The following GRID2 variants were observed in gnomAD, a reference collection of about 807,000 sequenced individuals.
GRID2 encodes the protein glutamate receptor ionotropic, delta-2.
A neutral mutation model predicts 114.8 loss-of-function variants in GRID2; 33 were observed. That is an observed-to-expected ratio of 0.29 (90% CI 0.22 to 0.38). The LOEUF is 0.38. GRID2 is among the 10% of genes least tolerant of loss of function. The probability of loss-of-function intolerance (pLI) is 1.00; values close to 1 mark genes in which losing one functional copy is unlikely to be tolerated. For missense variants in GRID2, 1,184 were observed against 1,257.7 expected (o/e 0.94, Z 0.89); for synonymous variants, 505 against 449.9 (o/e 1.12, Z -1.55).
At chr4:92,643,408 C>G (rs892295713) in intron 2 of GRID2, among the ~76,000 whole-genome samples, 4 of 151,746 alleles carry the variant, frequency 2.6e-5, no homozygotes, top group African/African-American at 9.7e-5. Context: ...TATCTCTCTT[C>G]TCTATGATTC....
chr4:93,626,561 A>G, intron 14 of GRID2, 126 bp downstream of exon 14: 7 of 590,642 alleles, frequency 1.2e-5, no homozygotes, highest in Non-Finnish European at 2.1e-5. Context: ...AAACAACAAC[A>G]ACAAAAAAGA....
At chr4:93,303,582 C>T (rs746633108) in intron 8 of GRID2, among the ~76,000 whole-genome samples, 32 of 152,154 alleles carry the variant, frequency 2.1e-4, no homozygotes, top group African/African-American at 7.2e-4. Flanking sequence ...GTGATCAGGG[C>T]GCAGGAGCCA....
At chr4:93,057,919 T>G (rs1727415940) in intron 2 of GRID2, among the ~76,000 whole-genome samples, 1 of 151,990 alleles carries the variant, frequency 6.6e-6, no homozygotes, top group Non-Finnish European at 1.5e-5. Flanking sequence ...ACTCAATTCG[T>G]CATTCCCCTC....
chr4:92,839,693 T>C (rs1742741208), intron 2 of GRID2, among the ~76,000 whole-genome samples: 2 of 152,066 alleles, frequency 1.3e-5, no homozygotes, highest in African/African-American at 4.8e-5. Context: ...AGATGCTTGA[T>C]ATTATTTTAA....
chr4:93,651,935 G>A (rs1722615140), intron 14 of GRID2, among the ~76,000 whole-genome samples: 2 of 152,110 alleles, frequency 1.3e-5, no homozygotes, highest in Non-Finnish European at 2.9e-5. Context: ...TGTTTGGTGT[G>A]ATAGGTGTTT....
intron 1 of GRID2, among the ~76,000 whole-genome samples, chr4:92,580,985 G>C (rs937615179): frequency 1.3e-5 from 2 of 149,416 alleles, no homozygotes; most frequent in Non-Finnish European, 3.0e-5. Flanking sequence ...AATTCTTTTT[G>C]TTCTTGTCAT....
intron 2 of GRID2, among the ~76,000 whole-genome samples, chr4:92,727,542 T>C (rs754214518): frequency 2.0e-5 from 3 of 152,136 alleles, no homozygotes; most frequent in Non-Finnish European, 2.9e-5. Context: ...AGTAAGTATG[T>C]GTTATATACT....
intron 2 of GRID2, among the ~76,000 whole-genome samples, chr4:92,735,217 A>G (rs1254741387): frequency 6.6e-6 from 1 of 152,112 alleles, no homozygotes; most frequent in African/African-American, 2.4e-5. Context: ...TCCTTTCCTT[A>G]TATGCCAGAA....
intron 13 of GRID2, among the ~76,000 whole-genome samples, chr4:93,517,971 ACATGTACATGTATGTATATACATACATG>A (rs1729931378): frequency 6.3e-5 from 2 of 31,810 alleles, no homozygotes; most frequent in Admixed American, 2.6e-4. Context: ...GTATATACAT[ACATGTACATGTATGTATATACATACATG>A]TATATGTATG....
intron 9 of GRID2, among the ~76,000 whole-genome samples, chr4:93,401,699 A>AAGGATATACACAGAAAT (rs1765907426): frequency 6.6e-6 from 1 of 152,136 alleles, no homozygotes; most frequent in Non-Finnish European, 1.5e-5. Context: ...TCAATCATAG[A>AAGGATATACACAGAAAT]AGGATATACA....
chr4:92,831,134 C>T (rs999900372), intron 2 of GRID2, among the ~76,000 whole-genome samples: 1 of 152,050 alleles, frequency 6.6e-6, no homozygotes, highest in African/African-American at 2.4e-5. Context: ...GGATTTTTTC[C>T]CACTCTGAAT....
chr4:93,294,307 AT>A (rs111618559), intron 8 of GRID2, among the ~76,000 whole-genome samples: 8,253 of 152,224 alleles, frequency 0.054, 759 homozygotes, highest in African/African-American at 0.19. Context: ...CAGGCTAGTC[AT>A]TGAAGGAACT....
chr4:93,268,863 A>G (rs1043704429), intron 8 of GRID2, among the ~76,000 whole-genome samples: 1 of 152,200 alleles, frequency 6.6e-6, no homozygotes, highest in African/African-American at 2.4e-5. Flanking sequence ...TGCTTGTTGT[A>G]TGATTCTGGT....
intron 2 of GRID2, among the ~76,000 whole-genome samples, chr4:92,785,475 AT>A (rs1459609673): frequency 1.3e-5 from 2 of 151,650 alleles, no homozygotes; most frequent in African/African-American, 4.8e-5. Flanking sequence ...GAGAAAAAAA[AT>A]ATAAGAAATT....
intron 10 of GRID2, among the ~76,000 whole-genome samples, chr4:93,436,605 A>G (rs2149386414): frequency 6.6e-6 from 1 of 152,340 alleles, no homozygotes; most frequent in South Asian, 2.1e-4. Context: ...TAAAAACAAT[A>G]GAATAAGTTA....
intron 4 of GRID2, among the ~76,000 whole-genome samples, chr4:93,189,296 T>A (rs1400138004): frequency 3.3e-5 from 5 of 152,150 alleles, no homozygotes; most frequent in African/African-American, 7.2e-5. Flanking sequence ...TGCCAACAGA[T>A]TCCGTGTCTG....
rs370273268 is a variant in GRID2, at chr4:92,794,970, A to G, written c.244+204684A>G. ...TAAAGTAACCTGGAGAAAAGAGAAC[A>G]TTATTAAGAAAATCATAAGGAAGAG... On this transcript the variant is annotated intron_variant, in intron 2 of 15. Transcript: ENST00000282020. Among the ~76,000 whole-genome samples the G allele has an allele frequency of 6.0e-5, 9 of 149,770 alleles. No individual in the cohort carries two copies. The East Asian group carries it at 7.9e-4, about 13-fold the overall frequency.
intron 2 of GRID2, among the ~76,000 whole-genome samples, chr4:92,611,329 C>T (rs1452890908): frequency 6.6e-6 from 1 of 151,466 alleles, no homozygotes; most frequent in Non-Finnish European, 1.5e-5. Context: ...GAGGGCCACC[C>T]TCTTTATATG....
At chr4:92,567,207 T>G (rs1424502623) in intron 1 of GRID2, among the ~76,000 whole-genome samples, 1 of 152,032 alleles carries the variant, frequency 6.6e-6, no homozygotes, top group Non-Finnish European at 1.5e-5. Flanking sequence ...TTAGCAAGCT[T>G]TCTAATGGTG....
Sources: gnomAD v4.1 joint callset for allele counts (sites outside exome capture counted in the v4.1 genomes callset) on GRCh38, gnomAD v4.1.1 for gene constraint, MANE v1.5 for transcripts, NCBI Gene and HGNC (gene_info 2026-07-23, HGNC 2026-07-21) for gene names.